The following MLLT1 variants were observed in gnomAD, a reference collection of about 807,000 sequenced individuals.
MLLT1 encodes the protein MLLT1 super elongation complex subunit.
MLLT1 carries 11 observed loss-of-function variants against 55.1 expected under a neutral mutation model. The observed-to-expected ratio is 0.20, with a 90% confidence interval of 0.13 to 0.33. The LOEUF is 0.33. MLLT1 is among the 10% of genes least tolerant of loss of function. MLLT1 has a pLI of 1.00. For synonymous variants in MLLT1, 323 were observed against 320.1 expected (o/e 1.01, Z -0.10); for missense variants, 536 against 760.6 (o/e 0.70, Z 3.47).
At chr19:6,272,288 T>C (rs1476518355) in intron 1 of MLLT1, among the ~76,000 whole-genome samples, 1 of 152,188 alleles carries the variant, frequency 6.6e-6, no homozygotes, top group East Asian at 1.9e-4. Flanking sequence ...CCTGAGTTGG[T>C]GGCGCTGTCC....
In MLLT1 at chr19:6,229,912, G is replaced by A. The variant is rs1156955073; in HGVS notation, c.420+658C>T. On this transcript the variant is annotated intron_variant, in intron 4 of 11. Coordinates refer to ENST00000252674, the MANE Select transcript of MLLT1 (RefSeq NM_005934.4). This position sits in a 1 kb window ranked among gnomAD's most constrained non-coding sequence, Gnocchi z 5.2. ...CCCAGCCCGCTCCATCACAGGCTCA[G>A]GCTGGCACCCAGGCAAAGGCTCTGT... Among the ~76,000 whole-genome samples, 1 of 152,122 alleles carries A rather than the reference G, an allele frequency of 6.6e-6. No individual in the cohort carries two copies. Among genetic ancestry groups the A allele is most frequent in the African/African-American group, 2.4e-5 (1 of 41,420 alleles).
At position 6,222,165 on chromosome 19, in the gene MLLT1, C is replaced by T. The variant is rs199662127; in HGVS notation, c.1066G>A (p.Val356Met). The change falls in exon 6 of 12, where the codon GTG becomes ATG. Residue 356 changes from valine (V) to methionine (M), a missense_variant. By Grantham distance (21) the Val-to-Met change is conservative. Around this residue, in one of 3 missense-constraint regions of MLLT1, gnomAD observed 449 missense variants for 489.0 expected, o/e 0.92. Transcript: ENST00000252674. This position sits in a 1 kb window ranked among gnomAD's most constrained non-coding sequence, Gnocchi z 4.1. ...TCGTCCTCTGAGTTGGACTCCTCCA[C>T]CTCCAGGGCCTTTTTGGCCTCCCGG... Reference protein sequence around the residue: ...EPREAKKALEVEESNSEDEAS... With the variant: ...EPREAKKALEMEESNSEDEAS... 1 of 1,574,152 alleles carries T rather than the reference C, an allele frequency of 6.4e-7. No individual in the cohort carries two copies. The highest frequency in any genetic ancestry group is 8.6e-7 in the Non-Finnish European group (1 of 1,159,342).
chr19:6,218,731 G>C (rs2090869069), intron 6 of MLLT1, among the ~76,000 whole-genome samples: 2 of 152,244 alleles, frequency 1.3e-5, no homozygotes, highest in African/African-American at 4.8e-5. Context: ...ACAGTGCAGG[G>C]CAGGCGTGTA....
intron 2 of MLLT1, among the ~76,000 whole-genome samples, chr19:6,266,643 G>C (rs944572388): frequency 6.6e-6 from 1 of 152,132 alleles, no homozygotes; most frequent in African/African-American, 2.4e-5. Context: ...TTTTAGTAGA[G>C]ATGGGGTTTC....
intron 7 of MLLT1, 185 bp from the exon 8 acceptor site, chr19:6,216,698 T>G: frequency 3.6e-6 from 2 of 550,016 alleles, no homozygotes. Context: ...AGCCACCCGC[T>G]TCCCCTAGAA....
intron 2 of MLLT1, among the ~76,000 whole-genome samples, chr19:6,267,592 C>T (rs1354889701): frequency 6.6e-6 from 1 of 152,166 alleles, no homozygotes; most frequent in East Asian, 1.9e-4. Flanking sequence ...CCGTTTCACA[C>T]AGACCTGACT....
chr19:6,245,597 G>C (rs1338895774), intron 3 of MLLT1, among the ~76,000 whole-genome samples: 2 of 152,166 alleles, frequency 1.3e-5, no homozygotes, highest in African/African-American at 2.4e-5. Flanking sequence ...TGTAGTCCCA[G>C]CTACTTGGGA....
intron 7 of MLLT1, 85 bp downstream of exon 7, chr19:6,217,869 G>C: frequency 4.6e-6 from 7 of 1,510,890 alleles, no homozygotes; most frequent in Non-Finnish European, 6.2e-6. Context: ...TGTGCAGGCA[G>C]TGGACGCTGA....
In MLLT1 at chr19:6,227,397, G is replaced by A. The variant is rs912541697; in HGVS notation, c.421-295C>T. Among the ~76,000 whole-genome samples, 1 of 152,196 alleles carries A rather than the reference G, an allele frequency of 6.6e-6. No homozygotes were observed. Among genetic ancestry groups the A allele is most frequent in the Non-Finnish European group, 1.5e-5 (1 of 68,036 alleles). ...GGAGGGCTGGCCCAAGAAGACTTGC[G>A]GAGCACACTGAGAATCATGAGAAGG... is the stretch of plus-strand genomic sequence containing the variant. On this transcript the variant is annotated intron_variant, in intron 4 of 11. Coordinates refer to ENST00000252674, the MANE Select transcript of MLLT1 (RefSeq NM_005934.4). The surrounding 1 kb of genome is among the most constrained non-coding windows in gnomAD (Gnocchi z 5.1).
chr19:6,249,378 T>A (rs1410302090), intron 3 of MLLT1, among the ~76,000 whole-genome samples: 1 of 152,130 alleles, frequency 6.6e-6, no homozygotes, highest in East Asian at 1.9e-4. Context: ...GCTTTAAATA[T>A]CTCTGACCAC....
At chr19:6,232,048 C>A (rs2091016495) in intron 3 of MLLT1, among the ~76,000 whole-genome samples, 1 of 152,084 alleles carries the variant, frequency 6.6e-6, no homozygotes, top group African/African-American at 2.4e-5. Context: ...CCAGCCTGGG[C>A]TACGTGGCGA....
chr19:6,261,861 T>A (rs72978076), intron 3 of MLLT1, among the ~76,000 whole-genome samples: 2 of 152,292 alleles, frequency 1.3e-5, no homozygotes, highest in African/African-American at 2.4e-5. Flanking sequence ...ATATTTATGC[T>A]ATTTCCTGAT....
At chr19:6,224,595 C>T (rs2090935843) in intron 5 of MLLT1, among the ~76,000 whole-genome samples, 1 of 152,250 alleles carries the variant, frequency 6.6e-6, no homozygotes, top group Non-Finnish European at 1.5e-5. Context: ...TCACTGTGTG[C>T]CCCTGGCCTG....
chr19:6,215,580 C>T (rs1364578632), intron 8 of MLLT1, among the ~76,000 whole-genome samples: 1 of 152,192 alleles, frequency 6.6e-6, no homozygotes, highest in African/African-American at 2.4e-5. Flanking sequence ...ACCTGCTGCC[C>T]AGCTTGCGTG....
At chr19:6,213,672 T>TACC in intron 10 of MLLT1, 54 bp downstream of exon 10, 4 of 1,075,342 alleles carry the variant, frequency 3.7e-6, no homozygotes, top group African/African-American at 1.6e-5. Context: ...TGGCTGCAAC[T>TACC]CCCACCACCC....
rs77548983 is a variant in MLLT1 at position 6,225,054 on chromosome 19, C to T, written c.546+1923G>A. ...AAAATCACGTTTGCAAGGTTGTCTG[C>T]GAACCTCCACGGGAAAGAGCAACCA... On this transcript the variant is annotated intron_variant, in intron 5 of 11. Transcript: ENST00000252674. 7.9e-3 allele frequency among the ~76,000 whole-genome samples: 1,202 copies of T among 152,292 alleles called. 19 individuals are homozygous for T. Among genetic ancestry groups the T allele is most frequent in the African/African-American group, 0.027 (1,126 of 41,550 alleles).
At chr19:6,220,560 A>C (rs1206345710) in intron 6 of MLLT1, among the ~76,000 whole-genome samples, 2 of 152,216 alleles carry the variant, frequency 1.3e-5, no homozygotes, top group African/African-American at 2.4e-5. Context: ...TGGTGGCGGG[A>C]GCCAGGAGCC....
chr19:6,220,465 C>A (rs2144855863), intron 6 of MLLT1, among the ~76,000 whole-genome samples: 1 of 152,388 alleles, frequency 6.6e-6, no homozygotes, highest in Non-Finnish European at 1.5e-5. Flanking sequence ...GCAACTCCAG[C>A]CTCAAGGCCA....
In MLLT1 at chr19:6,229,210, C is replaced by T. The variant is rs1053966674; in HGVS notation, c.420+1360G>A. On this transcript the variant is annotated intron_variant, in intron 4 of 11. Coordinates refer to ENST00000252674, the MANE Select transcript of MLLT1 (RefSeq NM_005934.4). This position sits in a 1 kb window ranked among gnomAD's most constrained non-coding sequence, Gnocchi z 5.2. ...AGGTGGAAAAGCGGAGCCAGGAGGG[C>T]GCTGGGACCCAGCCCTCACATCCTC... 1.3e-5 allele frequency among the ~76,000 whole-genome samples: 2 copies of T among 152,148 alleles called. No individual in the cohort carries two copies. Among genetic ancestry groups the T allele is most frequent in the African/African-American group, 4.8e-5 (2 of 41,430 alleles).
Sources: gnomAD v4.1 joint callset for allele counts (sites outside exome capture counted in the v4.1 genomes callset) on GRCh38, gnomAD v4.1.1 for gene constraint, gnomAD v4.1.1 regional missense constraint, Gnocchi (gnomAD v3.1) non-coding constraint, MANE v1.5 for transcripts, NCBI Gene and HGNC (gene_info 2026-07-23, HGNC 2026-07-21) for gene names.